TRAPPC9: variants seen among roughly 807,000 people sequenced by gnomAD.
TRAPPC9 encodes trafficking protein particle complex subunit 9, also known as IKK2 binding protein.
Under a neutral mutation model 124.0 loss-of-function variants are expected in TRAPPC9, and 83 were observed. That is an observed-to-expected ratio of 0.67 (90% confidence interval 0.56 to 0.80). TRAPPC9 has a LOEUF of 0.80. TRAPPC9 is among the 30% of genes least tolerant of loss of function. The probability of loss-of-function intolerance (pLI) is 0.00; values close to 1 mark genes in which losing one functional copy is unlikely to be tolerated. For synonymous variants in TRAPPC9, 638 were observed against 617.5 expected, an observed-to-expected ratio of 1.03 and a Z score of -0.49; for missense variants, 1,302 against 1,508.3, an observed-to-expected ratio of 0.86 and a Z score of 2.27.
chr8:140,128,636 G>C (rs931530588), intron 17 of TRAPPC9, among the ~76,000 whole-genome samples: 1 of 152,238 alleles, frequency 6.6e-6, no homozygotes, highest in African/African-American at 2.4e-5. Context: ...ATGATCCCGT[G>C]GGGTGGGGAT....
chr8:140,426,839 C>G (rs1235373223), intron 4 of TRAPPC9, among the ~76,000 whole-genome samples, 198 bp from the exon 5 acceptor site: 1 of 152,068 alleles, frequency 6.6e-6, no homozygotes, highest in East Asian at 1.9e-4. Flanking sequence ...AAAAGAAAAG[C>G]TACTATTACT....
intron 17 of TRAPPC9, among the ~76,000 whole-genome samples, chr8:140,076,675 C>T (rs577329705): frequency 1.4e-4 from 22 of 152,300 alleles, no homozygotes; most frequent in Admixed American, 1.2e-3. Context: ...GAAGATCGGC[C>T]GTGGCACCCC....
intron 9 of TRAPPC9, among the ~76,000 whole-genome samples, chr8:140,349,980 G>A (rs2067502424): frequency 6.6e-6 from 1 of 152,174 alleles, no homozygotes; most frequent in African/African-American, 2.4e-5. Flanking sequence ...GCCTTGCTCT[G>A]ATTAAGTAAT....
chr8:140,071,016 C>T (rs547739471), intron 17 of TRAPPC9, among the ~76,000 whole-genome samples: 4 of 152,358 alleles, frequency 2.6e-5, no homozygotes, highest in East Asian at 1.9e-4. Flanking sequence ...AGCGTTAGTG[C>T]GTGCGATCGT....
intron 19 of TRAPPC9, among the ~76,000 whole-genome samples, chr8:139,927,857 G>C (rs1832903033): frequency 6.6e-6 from 1 of 152,196 alleles, no homozygotes; most frequent in East Asian, 1.9e-4. Flanking sequence ...TCAGACAAAT[G>C]CAAGTCCTCA....
chr8:140,194,407 C>T (rs995328955), intron 17 of TRAPPC9, among the ~76,000 whole-genome samples: 5 of 152,078 alleles, frequency 3.3e-5, no homozygotes, highest in African/African-American at 1.2e-4. Flanking sequence ...ATTTATTATA[C>T]CTAATAAAAT....
chr8:140,017,952 TC>T (rs1554607907), intron 18 of TRAPPC9, among the ~76,000 whole-genome samples: 1 of 152,148 alleles, frequency 6.6e-6, no homozygotes, highest in Non-Finnish European at 1.5e-5. Context: ...CAGGTGATTC[TC>T]CTGCCTCAGC....
intron 16 of TRAPPC9, among the ~76,000 whole-genome samples, chr8:140,239,579 C>T (rs1007278698): frequency 6.6e-6 from 1 of 152,172 alleles, no homozygotes; most frequent in Non-Finnish European, 1.5e-5. Flanking sequence ...CTCACTGGCA[C>T]GGAGGCCGCA....
intron 7 of TRAPPC9, among the ~76,000 whole-genome samples, chr8:140,388,352 A>G (rs939367221): frequency 5.3e-5 from 8 of 150,840 alleles, no homozygotes; most frequent in African/African-American, 2.0e-4. Context: ...CGTTGTGCAC[A>G]TGTACCCTAG....
At chr8:139,781,081 C>A (rs186227467) in intron 21 of TRAPPC9, among the ~76,000 whole-genome samples, 2 of 152,256 alleles carry the variant, frequency 1.3e-5, no homozygotes, top group East Asian at 3.9e-4. Context: ...AATGGTACAG[C>A]CACTTTGGAA....
intron 17 of TRAPPC9, among the ~76,000 whole-genome samples, chr8:140,132,383 C>T (rs959905808): frequency 6.6e-6 from 1 of 152,192 alleles, no homozygotes; most frequent in Non-Finnish European, 1.5e-5. Context: ...TTGCCAGAGG[C>T]GTTTGTAAAA....
In TRAPPC9 at chr8:140,360,044, A is replaced by G; in HGVS notation, c.1495+6T>C. On this transcript the variant is annotated splice_donor_region_variant and intron_variant, in intron 9 of 22. Transcript: ENST00000438773. ...AAAAAAAACATTGTGGTTTGAGCTC[A>G]CTCACCCTGATCCGACAAGAAGTCC... is the stretch of plus-strand genomic sequence containing the variant. 2 of 1,614,052 alleles carry G rather than the reference A, an allele frequency of 1.2e-6. No individual in the cohort carries two copies. Among genetic ancestry groups the G allele is most frequent in the South Asian group, 2.2e-5 (2 of 91,080 alleles).
chr8:139,839,099 A>C (rs1180201008), intron 21 of TRAPPC9, among the ~76,000 whole-genome samples: 2 of 152,248 alleles, frequency 1.3e-5, no homozygotes, highest in Non-Finnish European at 2.9e-5. Flanking sequence ...CTCAGGGTGC[A>C]TCTTTGGCCA....
In TRAPPC9 at chr8:140,371,081, C is replaced by A. The variant is rs201836353; in HGVS notation, c.1234G>T (p.Ala412Ser). Residue 412 changes from alanine to serine, a missense_variant, in exon 8 of 23, where the codon GCC (alanine) becomes TCC (serine). Physicochemically the swap from Ala to Ser is moderately conservative, Grantham distance 99. Transcript: ENST00000438773. ...ATGCTTGGGGCCACGCACTGCATGG[C>A]GGCCACGCGCTTGAAGAACGCAGAC... ...RKSAFFKRVA[A>S]MQCVAPSIAE... 282 of 1,614,086 alleles carry A rather than the reference C, an allele frequency of 1.7e-4. No homozygotes were observed. The highest frequency in any genetic ancestry group is 2.3e-4 in the Non-Finnish European group (268 of 1,180,054).
At chr8:140,390,802 A>T (rs771669376) in intron 7 of TRAPPC9, among the ~76,000 whole-genome samples, 14 of 152,158 alleles carry the variant, frequency 9.2e-5, no homozygotes, top group Non-Finnish European at 1.9e-4. Flanking sequence ...TACATCTCTA[A>T]TAAGGAACTT....
chr8:139,988,955 C>T (rs1202461116), intron 18 of TRAPPC9, 119 bp from the exon 19 acceptor site: 1 of 724,960 alleles, frequency 1.4e-6, no homozygotes, highest in African/African-American at 1.7e-5. Flanking sequence ...TATCGAAATG[C>T]CAAGTGCTCC....
At chr8:140,135,643 C>T (rs775376038) in intron 17 of TRAPPC9, among the ~76,000 whole-genome samples, 7 of 152,144 alleles carry the variant, frequency 4.6e-5, no homozygotes, top group East Asian at 3.9e-4. Flanking sequence ...TATGGAAGAA[C>T]GAGGAATTAT....
intron 17 of TRAPPC9, among the ~76,000 whole-genome samples, chr8:140,118,237 G>C (rs2060925597): frequency 6.6e-6 from 1 of 152,200 alleles, no homozygotes; most frequent in Non-Finnish European, 1.5e-5. Context: ...CCTGGAATGG[G>C]AACCAGACAG....
intron 21 of TRAPPC9, among the ~76,000 whole-genome samples, chr8:139,797,638 A>C (rs994919135): frequency 1.3e-5 from 2 of 152,212 alleles, no homozygotes; most frequent in Non-Finnish European, 2.9e-5. Flanking sequence ...CCATGGAAGA[A>C]TTCTGTGTTT....
Sources: allele counts gnomAD v4.1 joint callset (sites outside exome capture counted in the v4.1 genomes callset), GRCh38; gene constraint gnomAD v4.1.1; transcripts MANE v1.5; gene names NCBI Gene and HGNC (gene_info 2026-07-23, HGNC 2026-07-21).